DST: variants seen among roughly 807,000 people sequenced by gnomAD.
DST encodes bullous pemphigoid antigen.
DST carries 253 observed loss-of-function variants against 875.2 expected under a neutral mutation model. The ratio of observed to expected loss-of-function variants is 0.29; its 90% CI spans 0.26 to 0.32. The LOEUF is 0.32. DST is among the 10% of genes least tolerant of loss of function. DST has a pLI of 1.00. For synonymous variants in DST, 3,124 were observed against 3,197.1 expected (o/e 0.98, Z 0.77); for missense variants, 8,287 against 9,111.6 (o/e 0.91, Z 3.68).
chr6:56,881,104 C>G (rs1204670441), intron 3 of DST, among the ~76,000 whole-genome samples: 2 of 152,068 alleles, frequency 1.3e-5, no homozygotes, highest in Non-Finnish European at 2.9e-5. Context: ...CCGCCTCGGT[C>G]TCCCGAAGTG....
chr6:56,764,334 T>C (rs1186244246), intron 4 of DST, among the ~76,000 whole-genome samples: 1 of 152,234 alleles, frequency 6.6e-6, no homozygotes, highest in Non-Finnish European at 1.5e-5. Flanking sequence ...TACCATATAC[T>C]ATTCTGCTTG....
In DST at chr6:56,619,153, G is replaced by A. The variant is rs757219517; in HGVS notation, c.4930-4669C>T. The A allele has an allele frequency of 2.5e-6, 4 of 1,613,972 alleles. No homozygotes were observed. The highest frequency in any genetic ancestry group is 3.4e-6 in the Non-Finnish European group (4 of 1,179,992). ...TCTGTTTATGCAAGTGTTCATTTGT[G>A]CTGCGTAGCTGATCTTTAAAACCAT... On this transcript the variant is annotated intron_variant, in intron 36 of 103. Transcript: ENST00000680361.
At chr6:56,712,047 C>T (rs1369593234) in intron 5 of DST, among the ~76,000 whole-genome samples, 9 of 142,968 alleles carry the variant, frequency 6.3e-5, no homozygotes, top group Non-Finnish European at 1.4e-4. Flanking sequence ...GCCGAGATCC[C>T]GCCACTGCAC....
chr6:56,527,676 G>C lies in DST; in HGVS notation c.17739C>G (p.Asp5913Glu). 6.2e-7 allele frequency: 1 copy of C among 1,613,202 alleles called. No individual in the cohort carries two copies. The highest frequency in any genetic ancestry group is 2.2e-5 in the East Asian group (1 of 44,872). Residue 5913 changes from aspartate (D) to glutamate (E), a missense_variant, in exon 68 of 104, where the codon GAC becomes GAG. Asp to Glu is a conservative substitution (Grantham distance 45, BLOSUM62 2). Transcript: ENST00000680361. ...KLEAIKARYK[D>E]ITKLSTDVAK... ...CCACATCAGTGCTCAGTTTAGTAAT[G>C]TCTTTGTACCTTGCTTTAATGGCTT...
At chr6:56,827,280 C>T (rs530296199) in intron 4 of DST, among the ~76,000 whole-genome samples, 33 of 152,082 alleles carry the variant, frequency 2.2e-4, no homozygotes, top group Non-Finnish European at 4.0e-4. Flanking sequence ...CTTTGGGAGG[C>T]CGAGGCGGGT....
intron 2 of DST, among the ~76,000 whole-genome samples, chr6:56,934,035 A>T (rs1017006944): frequency 4.6e-5 from 7 of 151,890 alleles, no homozygotes; most frequent in Non-Finnish European, 1.0e-4. Context: ...ACATATATAT[A>T]TTTTTTATTT....
rs751086390 is a variant in DST at position 56,642,016 on chromosome 6, C to G, written c.1958G>C (p.Arg653Pro). 1.2e-6 allele frequency: 2 copies of G among 1,612,670 alleles called. No homozygotes were observed. Among genetic ancestry groups the G allele is most frequent in the African/African-American group, 2.7e-5 (2 of 74,880 alleles). ...AATCTGTACATCAATTACATGCTGGCGTAAAAGGTTCTCACATTCAAGTAT... is the reference window on the plus strand; with the variant it reads ...AATCTGTACATCAATTACATGCTGGGGTAAAAGGTTCTCACATTCAAGTAT... Reference protein sequence around the residue: ...GYILECENLLRQHVIDVQILI... With the variant: ...GYILECENLLPQHVIDVQILI... The change falls in exon 17 of 104, where the codon CGC (arginine) becomes CCC (proline). Residue 653 changes from arginine to proline, a missense_variant. This residue lies in a region of DST where 1,160 missense variants were observed against 1,424.3 expected (regional missense o/e 0.81). Transcript: ENST00000680361.
chr6:56,645,842 T>C, intron 15 of DST, 24 bp downstream of exon 15: 2 of 1,607,844 alleles, frequency 1.2e-6, no homozygotes, highest in South Asian at 1.1e-5. Flanking sequence ...TTGATATTCA[T>C]GGCAGAAAAC....
rs542604800 is a variant in DST, at chr6:56,640,542, T to C, written c.2091A>G (p.Lys697=). 7 of 1,614,228 alleles carry C rather than the reference T, an allele frequency of 4.3e-6. 1 individual carries two copies. The African/African-American group carries it at 5.3e-5, about 12-fold the overall frequency. Residue 697 remains lysine, a synonymous_variant, in exon 18 of 104, where the codon AAA becomes AAG. Transcript: ENST00000680361. Reference sequence around the variant, plus strand: ...TCTGTTCTGTTGTCAGTATGCGTCCTTTGCTGTACACAGAAGAACATTCGT... The same window carrying C: ...TCTGTTCTGTTGTCAGTATGCGTCCCTTGCTGTACACAGAAGAACATTCGT... ...LRNECSSVYS[K]GRILTTEQTK... is the part of the protein sequence containing the mutation.
intron 4 of DST, among the ~76,000 whole-genome samples, chr6:56,793,849 C>T (rs1201539515): frequency 4.6e-5 from 7 of 151,886 alleles, no homozygotes; most frequent in Admixed American, 3.9e-4. Flanking sequence ...TTTAAATGCA[C>T]AATAAAAGAA....
intron 9 of DST, among the ~76,000 whole-genome samples, chr6:56,694,282 T>TA (rs1055484785): frequency 3.3e-5 from 5 of 151,504 alleles, no homozygotes; most frequent in African/African-American, 1.2e-4. Context: ...ATTTCACTAC[T>TA]AAAAAAATTA....
chr6:56,711,898 C>T (rs941750800), intron 5 of DST, among the ~76,000 whole-genome samples: 70 of 151,486 alleles, frequency 4.6e-4, no homozygotes, highest in Admixed American at 2.3e-3. Context: ...GAGACCATCC[C>T]GGCTAAAACG....
chr6:56,900,807 C>T (rs1314339395), intron 2 of DST, among the ~76,000 whole-genome samples, 186 bp from the exon 3 acceptor site: 1 of 150,874 alleles, frequency 6.6e-6, no homozygotes, highest in Admixed American at 6.6e-5. Flanking sequence ...TTCTTTAAAG[C>T]ACCCCAGTAT....
intron 4 of DST, among the ~76,000 whole-genome samples, chr6:56,769,986 TAC>T (rs2099645605): frequency 6.6e-6 from 1 of 152,204 alleles, no homozygotes; most frequent in Non-Finnish European, 1.5e-5. Flanking sequence ...AGGAAATCAA[TAC>T]AGTTACATCA....
chr6:56,909,451 C>G (rs1347744837), intron 2 of DST, among the ~76,000 whole-genome samples: 1 of 152,248 alleles, frequency 6.6e-6, no homozygotes, highest in African/African-American at 2.4e-5. Flanking sequence ...AGCAACCATG[C>G]TTCCAGCAGC....
chr6:56,591,052 T>C (rs1189488258), intron 49 of DST, among the ~76,000 whole-genome samples: 1 of 152,258 alleles, frequency 6.6e-6, no homozygotes, highest in African/African-American at 2.4e-5. Flanking sequence ...GTTTATTTTC[T>C]AGCTGTAGCA....
chr6:56,655,419 TG>T (rs1373257895), intron 10 of DST, among the ~76,000 whole-genome samples: 2 of 152,062 alleles, frequency 1.3e-5, no homozygotes, highest in African/African-American at 4.8e-5. Flanking sequence ...TGACAATAGC[TG>T]AAAAGACACA....
At chr6:56,701,690 TG>T (rs1262990747) in intron 8 of DST, among the ~76,000 whole-genome samples, 197 bp downstream of exon 8, 2 of 152,158 alleles carry the variant, frequency 1.3e-5, no homozygotes, top group Non-Finnish European at 2.9e-5. Context: ...ATAATTCCTC[TG>T]GGCTTATCCC....
At chr6:56,942,448 C>T (rs2122958) in intron 2 of DST, among the ~76,000 whole-genome samples, 1 of 151,744 alleles carries the variant, frequency 6.6e-6, no homozygotes, top group East Asian at 1.9e-4. Context: ...TTTAGAAGTT[C>T]TAGTTGGGTT....
Sources: allele counts gnomAD v4.1 joint callset (sites outside exome capture counted in the v4.1 genomes callset), GRCh38; gene constraint gnomAD v4.1.1; regional missense constraint gnomAD v4.1.1; transcripts MANE v1.5; gene names NCBI Gene and HGNC (gene_info 2026-07-23, HGNC 2026-07-21).